CDH23: variants seen among roughly 807,000 people sequenced by gnomAD.
CDH23 encodes cadherin related 23.
CDH23 carries 189 observed loss-of-function variants against 317.1 expected under a neutral mutation model. That is an observed-to-expected ratio of 0.60 (90% CI 0.53 to 0.67). The LOEUF (loss-of-function observed/expected upper bound fraction) is 0.67. Among genes scored for constraint, CDH23 ranks in the 30% least tolerant of loss-of-function variants. The pLI is 0.00. For missense variants in CDH23, 4,401 were observed against 4,592.4 expected, an observed-to-expected ratio of 0.96 and a Z score of 1.20; for synonymous variants, 1,839 against 1,876.8, an observed-to-expected ratio of 0.98 and a Z score of 0.52.
chr10:71,759,846 C>CACACACACACACACACACATAT (rs776230069), intron 38 of CDH23, among the ~76,000 whole-genome samples: 8 of 59,956 alleles, frequency 1.3e-4, no homozygotes, highest in South Asian at 5.7e-4. Flanking sequence ...CACACACACA[C>CACACACACACACACACACATAT]ATATACACAC....
intron 14 of CDH23, among the ~76,000 whole-genome samples, chr10:71,674,441 G>A (rs1313888285): frequency 2.0e-5 from 3 of 152,344 alleles, no homozygotes; most frequent in African/African-American, 7.2e-5. Flanking sequence ...GGACCCCAAA[G>A]TCAGTCTGAG....
At chr10:71,716,386 A>G (rs536051171) in intron 28 of CDH23, 2 of 1,438,894 alleles carry the variant, frequency 1.4e-6, no homozygotes, top group East Asian at 5.1e-5. Context: ...GATCAGCTGG[A>G]CCCAGGGCAG....
At chr10:71,759,183 G>A (rs556994954) in intron 38 of CDH23, among the ~76,000 whole-genome samples, 5 of 152,016 alleles carry the variant, frequency 3.3e-5, no homozygotes, top group South Asian at 2.1e-4. Context: ...GACTACAGGC[G>A]TGCACCACCA....
At chr10:71,660,626 A>G (rs75120642) in intron 14 of CDH23, among the ~76,000 whole-genome samples, 3,166 of 152,232 alleles carry the variant, frequency 0.021, 107 homozygotes, top group African/African-American at 0.072. Flanking sequence ...TTCGTCTCAC[A>G]TGGCTGTGCT....
chr10:71,561,683 G>A (rs1029624520), intron 6 of CDH23, among the ~76,000 whole-genome samples: 7 of 152,212 alleles, frequency 4.6e-5, no homozygotes, highest in South Asian at 2.1e-4. Context: ...AAGACCTGCC[G>A]TGGGTTACTT....
At position 71,624,326 on chromosome 10, in the gene CDH23, A is replaced by G. The variant is rs193271275; in HGVS notation, c.1134+6933A>G. ...CTTTTCAGGGAAGGACGAGAGAGGCAGCTGGAGTTGTTAGAAATAAAATTA... is the reference window on the plus strand; with the variant it reads ...CTTTTCAGGGAAGGACGAGAGAGGCGGCTGGAGTTGTTAGAAATAAAATTA... On this transcript the variant is annotated intron_variant, in intron 11 of 69. Transcript: ENST00000224721. Among the ~76,000 whole-genome samples, 80 of 152,344 alleles carry G rather than the reference A, an allele frequency of 5.3e-4. 1 individual carries two copies. Among genetic ancestry groups the G allele is most frequent in the Middle Eastern group, 3.4e-3 (1 of 294 alleles).
intron 17 of CDH23, among the ~76,000 whole-genome samples, chr10:71,681,213 AT>A (rs34881579): frequency 0.042 from 6,358 of 152,080 alleles, 327 homozygotes; most frequent in East Asian, 0.23. Flanking sequence ...TCCCCCTTAG[AT>A]TTTATATTAC....
rs555737477 is a variant in CDH23 at position 71,524,636 on chromosome 10, G to A, written c.429+13424G>A. 1.2e-4 allele frequency among the ~76,000 whole-genome samples: 18 copies of A among 152,288 alleles called. No individual in the cohort carries two copies. In the East Asian group the frequency reaches 2.7e-3, roughly 23 times the overall value. On this transcript the variant is annotated intron_variant, in intron 6 of 69. Transcript: ENST00000224721. ...TGACTGTGTGACCCCACATGGAAAA[G>A]GGGATTTTGCGGTTAAGGACCTCTC...
intron 1 of CDH23, among the ~76,000 whole-genome samples, chr10:71,421,521 T>C (rs1025049499): frequency 1.5e-4 from 23 of 151,960 alleles, no homozygotes; most frequent in African/African-American, 5.6e-4. Flanking sequence ...CCCTTCATCA[T>C]GGAATCTGAA....
intron 22 of CDH23, among the ~76,000 whole-genome samples, chr10:71,696,388 C>A (rs1488018712): frequency 1.3e-5 from 2 of 152,220 alleles, no homozygotes; most frequent in Non-Finnish European, 2.9e-5. Flanking sequence ...GGAACTCTCT[C>A]CTCCTCACTG....
At chr10:71,567,125 C>T (rs936846851) in intron 7 of CDH23, among the ~76,000 whole-genome samples, 189 bp downstream of exon 7, 1 of 152,110 alleles carries the variant, frequency 6.6e-6, no homozygotes, top group African/African-American at 2.4e-5. Context: ...TCCCTGGCAC[C>T]GTGCTGAGCA....
At chr10:71,689,380 A>G (rs1865100777) in intron 19 of CDH23, among the ~76,000 whole-genome samples, 1 of 152,028 alleles carries the variant, frequency 6.6e-6, no homozygotes, top group African/African-American at 2.4e-5. Flanking sequence ...TCCCCTGGAG[A>G]ATGTCACTGC....
intron 3 of CDH23, among the ~76,000 whole-genome samples, chr10:71,473,852 C>T (rs533227988): frequency 6.6e-6 from 1 of 152,316 alleles, no homozygotes; most frequent in South Asian, 2.1e-4. Flanking sequence ...AAGCTCCCTC[C>T]CCAGGGACCT....
Position 71,797,187 on chromosome 10 carries a change from G to C in CDH23, c.6796G>C (p.Asp2266His), listed in dbSNP as rs754605731. The C allele has an allele frequency of 1.9e-6, 3 of 1,613,296 alleles. No individual in the cohort carries two copies. The highest frequency in any genetic ancestry group is 2.5e-6 in the Non-Finnish European group (3 of 1,179,568). The change falls in exon 49 of 70, where the codon GAC (aspartate) becomes CAC (histidine). Residue 2266 changes from aspartate (D) to histidine (H), a missense_variant. This residue lies in a region of CDH23 where 3,068 missense variants were observed against 3,203.3 expected (regional missense o/e 0.96). Coordinates refer to ENST00000224721, the MANE Select transcript of CDH23 (RefSeq NM_022124.6). ...VTLSVIDNAS[D>H]LPERSVSVPN... ...TCTCTCAGTGATTGACAATGCCAGC[G>C]ACCTACCAGAGCGCTCTGTCAGTGT...
intron 1 of CDH23, among the ~76,000 whole-genome samples, chr10:71,424,255 C>T (rs1446776675): frequency 6.6e-6 from 1 of 152,240 alleles, no homozygotes; most frequent in Non-Finnish European, 1.5e-5. Context: ...TTCTCTCCAC[C>T]TGCAGTAAGG....
At chr10:71,467,896 C>T (rs1851330184) in intron 3 of CDH23, among the ~76,000 whole-genome samples, 1 of 152,192 alleles carries the variant, frequency 6.6e-6, no homozygotes, top group South Asian at 2.1e-4. Context: ...CGGCCAGTGC[C>T]TCTGCTCCCC....
Position 71,812,570 on chromosome 10 carries a change from T to TGA in CDH23, c.9474_9475dup (p.Ile3159ArgfsTer58). 1.2e-6 allele frequency: 2 copies of TGA among 1,613,690 alleles called. No homozygotes were observed. Among genetic ancestry groups the TGA allele is most frequent in the Non-Finnish European group, 1.7e-6 (2 of 1,179,834 alleles). Reference sequence around the variant, plus strand: ...AGGATGACCTACCGGAGAACCTGAGTGAGATCGCCGACCTGTGGAACAGCC... The same window carrying TGA: ...AGGATGACCTACCGGAGAACCTGAGTGAGAGATCGCCGACCTGTGGAACAGCC... On this transcript the variant is annotated frameshift_variant, in exon 67 of 70. Coordinates refer to ENST00000224721, the MANE Select transcript of CDH23 (RefSeq NM_022124.6). LOFTEE classifies it high-confidence loss of function.
At chr10:71,789,764 T>G (rs895917261) in intron 45 of CDH23, among the ~76,000 whole-genome samples, 2 of 152,204 alleles carry the variant, frequency 1.3e-5, no homozygotes, top group African/African-American at 4.8e-5. Flanking sequence ...TGTGCAGACA[T>G]GCCCACCTGC....
intron 1 of CDH23, among the ~76,000 whole-genome samples, chr10:71,424,306 G>A (rs919307917): frequency 3.9e-5 from 6 of 152,234 alleles, no homozygotes; most frequent in African/African-American, 1.4e-4. Context: ...GCTCTCAGGA[G>A]CCCAAAGCTC....
Sources: gnomAD v4.1 joint callset for allele counts (sites outside exome capture counted in the v4.1 genomes callset) on GRCh38, gnomAD v4.1.1 for gene constraint, gnomAD v4.1.1 regional missense constraint, MANE v1.5 for transcripts, NCBI Gene and HGNC (gene_info 2026-07-23, HGNC 2026-07-21) for gene names.